SAPCD2: variants seen among roughly 807,000 people sequenced by gnomAD.
The protein encoded by SAPCD2 is suppressor APC domain containing 2, also known as suppressor APC domain-containing protein 2.
SAPCD2 carries 34 observed loss-of-function variants against 37.8 expected under a neutral mutation model. The observed-to-expected ratio is 0.90, with a 90% CI of 0.68 to 1.20. The LOEUF (loss-of-function observed/expected upper bound fraction) is 1.20, where lower values mean the gene tolerates loss of function less well. SAPCD2 is among the 50% of genes most tolerant of loss of function. The pLI is 0.00. For synonymous variants in SAPCD2, 275 were observed against 270.3 expected (o/e 1.02, Z -0.17); for missense variants, 572 against 584.7 (o/e 0.98, Z 0.22).
intron 1 of SAPCD2, among the ~76,000 whole-genome samples, chr9:137,069,411 C>G (rs1832592899): frequency 6.6e-6 from 1 of 152,224 alleles, no homozygotes; most frequent in South Asian, 2.1e-4. Flanking sequence ...CTGCCTAGGC[C>G]TCAGTGGGGT....
Position 137,062,547 on chromosome 9 carries a change from A to G in SAPCD2, c.*2112T>C, listed in dbSNP as rs1355862588. The G allele has an allele frequency of 1.3e-5, 2 of 152,188 alleles. No individual in the cohort carries two copies. Among genetic ancestry groups the G allele is most frequent in the East Asian group, 3.8e-4 (2 of 5,196 alleles). The allele number at this position is 152,188 out of a possible 1,614,324, so 9.4% of individuals were successfully genotyped here. A position where few individuals can be genotyped will look rare whatever the true frequency, so the allele number is the denominator to read the frequency against. ...AGGACACATTTCAACATCCTGAGAC[A>G]TTTCCGGGTGTCATCACAGTGTGCA... On this transcript the variant is annotated 3_prime_UTR_variant, in exon 6 of 6. Transcript: ENST00000409687.
chr9:137,063,125 G>T lies in SAPCD2; in HGVS notation c.*1534C>A, dbSNP rs183165485. ...GCGCTGCAGTCCACCTGGTGCTGGG[G>T]CTGTGGGGCACAGGCCCTCAGGACC... On this transcript the variant is annotated 3_prime_UTR_variant, in exon 6 of 6. Transcript: ENST00000409687. 179 of 152,402 alleles carry T rather than the reference G, an allele frequency of 1.2e-3. No individual in the cohort carries two copies. The highest frequency in any genetic ancestry group is 4.2e-3 in the African/African-American group (174 of 41,580). 9.4% of individuals were successfully genotyped at this position (152,402 alleles called of 1,614,324 possible). A position where few individuals can be genotyped will look rare whatever the true frequency, so the allele number is the denominator to read the frequency against.
In SAPCD2 at chr9:137,062,787, A is replaced by G. The variant is rs1688796411; in HGVS notation, c.*1872T>C. ...AGGGCCACTCACTAGCCTGATTTCAAGCTGTAAACTGGGAGGACCTATTTC... is the reference window on the plus strand; with the variant it reads ...AGGGCCACTCACTAGCCTGATTTCAGGCTGTAAACTGGGAGGACCTATTTC... On this transcript the variant is annotated 3_prime_UTR_variant, in exon 6 of 6. Transcript: ENST00000409687. 2 of 152,308 alleles carry G rather than the reference A, an allele frequency of 1.3e-5. No individual in the cohort carries two copies. Among genetic ancestry groups the G allele is most frequent in the South Asian group, 4.1e-4 (2 of 4,822 alleles). 9.4% of individuals were successfully genotyped at this position (152,308 alleles called of 1,614,324 possible).
chr9:137,069,628 C>G (rs544401327), intron 1 of SAPCD2, among the ~76,000 whole-genome samples: 2 of 152,212 alleles, frequency 1.3e-5, no homozygotes, highest in African/African-American at 4.8e-5. Context: ...TCACCTGCCA[C>G]CCCCCGGCCC....
intron 1 of SAPCD2, among the ~76,000 whole-genome samples, chr9:137,067,470 C>CA (rs56931222): frequency 0.039 from 5,190 of 134,474 alleles, 299 homozygotes; most frequent in African/African-American, 0.13. Context: ...AACTTTGTCT[C>CA]AAAAAAAAAA....
In SAPCD2 at chr9:137,070,099, T is replaced by TGCG. The variant is rs930150269; in HGVS notation, c.359_361dup (p.Pro120dup). On this transcript the variant is annotated inframe_insertion, in exon 1 of 6. Coordinates refer to ENST00000409687, the MANE Select transcript of SAPCD2 (RefSeq NM_178448.4). ...GTCGGCCGGAGCGAACACCAGGCGC[T>TGCG]GCGGCGGCGGCGGCGGCTGATCCCC... The TGCG allele has an allele frequency of 4.2e-5, 50 of 1,189,030 alleles. No homozygotes were observed. Among genetic ancestry groups the TGCG allele is most frequent in the South Asian group, 3.3e-4 (8 of 24,040 alleles). The allele number at this position is 1,189,030 out of a possible 1,614,324, so 73.7% of individuals were successfully genotyped here. A position where few individuals can be genotyped will look rare whatever the true frequency, so the allele number is the denominator to read the frequency against.
chr9:137,065,038 T>G (rs1832523443), intron 4 of SAPCD2, 40 bp downstream of exon 4: 3 of 1,495,372 alleles, frequency 2.0e-6, no homozygotes, highest in Non-Finnish European at 2.7e-6. Context: ...TAAACTGGCC[T>G]GGGCCCCAGC....
At chr9:137,067,268 C>T (rs557157789) in intron 1 of SAPCD2, among the ~76,000 whole-genome samples, 4 of 151,356 alleles carry the variant, frequency 2.6e-5, no homozygotes, top group Non-Finnish European at 5.9e-5. Flanking sequence ...GAATTACAGG[C>T]GTGAGCCACT....
intron 1 of SAPCD2, among the ~76,000 whole-genome samples, chr9:137,067,018 G>A (rs1357997710): frequency 6.6e-6 from 1 of 151,970 alleles, no homozygotes; most frequent in Non-Finnish European, 1.5e-5. Context: ...ACGTTGTTTT[G>A]TTCCTGTTGC....
rs769585695 is a variant in SAPCD2 at position 137,064,921 on chromosome 9, G to A, written c.998C>T (p.Pro333Leu). ...GAGGATGGTCTGCTGCTGCCAGACC[G>A]GGGGTGAGGTGGACGTCAGGGCAGG... is the stretch of plus-strand genomic sequence containing the variant. Reference protein sequence around the residue: ...PCPALTSTSPPVWQQQTILML... With the variant: ...PCPALTSTSPLVWQQQTILML... Residue 333 changes from proline to leucine, a missense_variant, in exon 5 of 6, where the codon CCG becomes CTG. Transcript: ENST00000409687. 74 of 1,557,068 alleles carry A rather than the reference G, an allele frequency of 4.8e-5. No individual in the cohort carries two copies. The highest frequency in any genetic ancestry group is 1.9e-4 in the Admixed American group (10 of 51,870).
rs771057761 is a variant in SAPCD2, at chr9:137,065,088, C to G, written c.929G>C (p.Cys310Ser). ...TTGGGGTACACTCACCCGGCTGGCACAGGCTGCAGCCAGCAGCTCCCCCAG... is the reference window on the plus strand; with the variant it reads ...TTGGGGTACACTCACCCGGCTGGCAGAGGCTGCAGCCAGCAGCTCCCCCAG... The part of the protein sequence containing the change: ...RCLGELLAAA[C>S]ASRALPPSSS... The change falls in exon 4 of 6, where the codon TGT becomes TCT. Residue 310 changes from cysteine (C) to serine (S), a missense_variant. Coordinates refer to ENST00000409687, the MANE Select transcript of SAPCD2 (RefSeq NM_178448.4). The G allele has an allele frequency of 2.4e-5, 36 of 1,530,026 alleles. No individual in the cohort carries two copies. Among genetic ancestry groups the G allele is most frequent in the Non-Finnish European group, 3.0e-5 (34 of 1,137,914 alleles). 94.8% of individuals were successfully genotyped at this position (1,530,026 alleles called of 1,614,324 possible).
intron 1 of SAPCD2, among the ~76,000 whole-genome samples, chr9:137,066,884 C>G (rs760560763): frequency 3.3e-5 from 5 of 152,224 alleles, no homozygotes; most frequent in Non-Finnish European, 7.3e-5. Context: ...TGGCCGGGCA[C>G]AGTGGCTCAC....
chr9:137,064,369 C>G lies in SAPCD2; in HGVS notation c.*290G>C, dbSNP rs1832509915. 1 of 501,894 alleles carries G rather than the reference C, an allele frequency of 2.0e-6. No homozygotes were observed. Among genetic ancestry groups the G allele is most frequent in the African/African-American group, 2.0e-5 (1 of 51,244 alleles). 31.1% of individuals were successfully genotyped at this position (501,894 alleles called of 1,614,324 possible). ...GGGACGCTAACTCATGGAGGGGTAC[C>G]CCACTGTCCACTGACAGCGGCAGTA... On this transcript the variant is annotated 3_prime_UTR_variant, in exon 6 of 6. Coordinates refer to ENST00000409687, the MANE Select transcript of SAPCD2 (RefSeq NM_178448.4).
At chr9:137,066,236 C>T in intron 2 of SAPCD2, 26 bp downstream of exon 2, 1 of 1,552,620 alleles carries the variant, frequency 6.4e-7, no homozygotes, top group Non-Finnish European at 8.8e-7. Flanking sequence ...GATGGAGAGC[C>T]CCACAGAGCC....
Position 137,070,100 on chromosome 9 carries a change from G to A in SAPCD2, c.361C>T (p.Gln121Ter), listed in dbSNP as rs1832602634. 3.4e-6 allele frequency: 4 copies of A among 1,165,244 alleles called. No individual in the cohort carries two copies. The highest frequency in any genetic ancestry group is 4.2e-6 in the Non-Finnish European group (4 of 944,692). The allele number at this position is 1,165,244 out of a possible 1,614,324, so 72.2% of individuals were successfully genotyped here. Residue 121 changes from glutamine (Q) to a stop codon, truncating the protein, a stop_gained, in exon 1 of 6, where the codon CAG becomes TAG. Transcript: ENST00000409687. LOFTEE classifies it high-confidence loss of function. ...RPGDQPPPPP[Q>*]RLVFAPADEP... ...TCGGCCGGAGCGAACACCAGGCGCT[G>A]CGGCGGCGGCGGCGGCTGATCCCCG...
chr9:137,063,010 C>T lies in SAPCD2; in HGVS notation c.*1649G>A, dbSNP rs1002592492. The T allele has an allele frequency of 2.0e-5, 3 of 152,376 alleles. No individual in the cohort carries two copies. The highest frequency in any genetic ancestry group is 3.9e-4 in the East Asian group (2 of 5,190). 9.4% of individuals were successfully genotyped at this position (152,376 alleles called of 1,614,324 possible). On this transcript the variant is annotated 3_prime_UTR_variant, in exon 6 of 6. Transcript: ENST00000409687. The stretch of plus-strand genomic sequence containing the variant: ...AGGATCCCCCAGGGCATGGCAGGCA[C>T]CCTCAAAGGCAGACGTGGGGAGGCC...
chr9:137,066,692 G>A (rs1832551097), intron 1 of SAPCD2, among the ~76,000 whole-genome samples: 1 of 152,236 alleles, frequency 6.6e-6, no homozygotes, highest in Admixed American at 6.5e-5. Context: ...CCCAGAACAT[G>A]GCAGGCACAC....
rs551575058 is a variant in SAPCD2, at chr9:137,063,217, T to G, written c.*1442A>C. 2.0e-5 allele frequency: 3 copies of G among 152,336 alleles called. No individual in the cohort carries two copies. The highest frequency in any genetic ancestry group is 2.1e-4 in the South Asian group (1 of 4,828). The allele number at this position is 152,336 out of a possible 1,614,324, so 9.4% of individuals were successfully genotyped here. ...ATGTCCCCTGGAAAGCCCACTCCCA[T>G]CTTCAGGGTAGGAGGGCAGCTGCAT... On this transcript the variant is annotated 3_prime_UTR_variant, in exon 6 of 6. Transcript: ENST00000409687.
At position 137,064,828 on chromosome 9, in the gene SAPCD2, C is replaced by T. The variant is rs200000354; in HGVS notation, c.1056+35G>A. 59 of 1,580,838 alleles carry T rather than the reference C, an allele frequency of 3.7e-5. No individual in the cohort carries two copies. The Admixed American group carries it at 1.0e-3, about 28-fold the overall frequency. ...GTTGGTCAAGGCCTGCGGGGCCTCA[C>T]CCCCACCCCTGCACCCCTCCCGCGC... On this transcript the variant is annotated intron_variant, in intron 5 of 5. Transcript: ENST00000409687.
Sources: gnomAD v4.1 joint callset for allele counts (sites outside exome capture counted in the v4.1 genomes callset) on GRCh38, gnomAD v4.1.1 for gene constraint, MANE v1.5 for transcripts, NCBI Gene and HGNC (gene_info 2026-07-23, HGNC 2026-07-21) for gene names.